Variants in KCNQ1 observed in about 807,000 individuals in gnomAD.
KCNQ1 encodes the protein potassium voltage-gated channel subfamily KQT member 1.
KCNQ1 carries 49 observed loss-of-function variants against 72.4 expected under a neutral mutation model. That is an observed-to-expected ratio of 0.68 (90% CI 0.54 to 0.86). The LOEUF (loss-of-function observed/expected upper bound fraction) is 0.86, where lower values mean the gene tolerates loss of function less well. Among genes scored for constraint, KCNQ1 ranks in the 40% least tolerant of loss-of-function variants. The pLI, the probability that KCNQ1 is intolerant of heterozygous loss-of-function variation, is 0.00. For synonymous variants in KCNQ1, 450 were observed against 412.6 expected (o/e 1.09, Z -1.10); for missense variants, 790 against 945.1 (o/e 0.84, Z 2.15).
Position 2,784,865 on chromosome 11 carries a change from TTA to T in KCNQ1, c.1794+6832_1794+6833del, listed in dbSNP as rs527489013. On this transcript the variant is annotated intron_variant, in intron 15 of 15. Coordinates refer to ENST00000155840, the MANE Select transcript of KCNQ1 (RefSeq NM_000218.3). This position sits in a 1 kb window ranked among gnomAD's most constrained non-coding sequence, Gnocchi z 4.7. ...AGTATATAGAAGTAACATTAAATTT[TTA>T]TATCAATCTTGTAAACTGACTTTTC... Among the ~76,000 whole-genome samples the T allele has an allele frequency of 2.3e-3, 346 of 152,188 alleles. 1 individual carries two copies. The highest frequency in any genetic ancestry group is 7.6e-3 in the African/African-American group (316 of 41,592).
intron 10 of KCNQ1, chr11:2,631,075 C>T (rs895956074): frequency 2.5e-6 from 1 of 398,392 alleles, no homozygotes; most frequent in African/African-American, 2.1e-5. Context: ...TAGATGGAAA[C>T]TAATTGTAAT....
chr11:2,660,377 G>A, intron 10 of KCNQ1: 1 of 398,400 alleles, frequency 2.5e-6, no homozygotes, highest in Non-Finnish European at 4.4e-6. Context: ...CGCTGATGTG[G>A]GAAAACCTTC....
chr11:2,768,190 C>T lies in KCNQ1; in HGVS notation c.1515-654C>T, dbSNP rs1351853267. ...GCCAGGAGGGAATCTCCTGTGGCCTCCATGGCGCTGTGTTTTCTTCCAGTC... is the reference window on the plus strand; with the variant it reads ...GCCAGGAGGGAATCTCCTGTGGCCTTCATGGCGCTGTGTTTTCTTCCAGTC... On this transcript the variant is annotated intron_variant, in intron 11 of 15. Coordinates refer to ENST00000155840, the MANE Select transcript of KCNQ1 (RefSeq NM_000218.3). The surrounding 1 kb of genome is among the most constrained non-coding windows in gnomAD (Gnocchi z 6.7). Among the ~76,000 whole-genome samples, 3 of 152,224 alleles carry T rather than the reference C, an allele frequency of 2.0e-5. No homozygotes were observed. Among genetic ancestry groups the T allele is most frequent in the Non-Finnish European group, 1.5e-5 (1 of 68,038 alleles).
chr11:2,611,033 T>G lies in KCNQ1; in HGVS notation c.1393+22179T>G. ...TCAGTTGTCTGTTTCTCTCTTCATTTCTGACAGTTTTATTTCATATACTTC... is the reference window on the plus strand; with the variant it reads ...TCAGTTGTCTGTTTCTCTCTTCATTGCTGACAGTTTTATTTCATATACTTC... On this transcript the variant is annotated intron_variant, in intron 10 of 15. Coordinates refer to ENST00000155840, the MANE Select transcript of KCNQ1 (RefSeq NM_000218.3). The surrounding 1 kb of genome is among the most constrained non-coding windows in gnomAD (Gnocchi z 5.3). 2.5e-6 allele frequency: 1 copy of G among 398,518 alleles called. No homozygotes were observed. 24.7% of individuals were successfully genotyped at this position (398,518 alleles called of 1,614,324 possible).
intron 10 of KCNQ1, chr11:2,630,384 T>C (rs10766242): frequency 0.89 from 354,159 of 398,088 alleles, 157,700 homozygotes; most frequent in East Asian, 0.91. Context: ...TTTCTTATAT[T>C]GTCCTTGTCT....
rs891516648 is a variant in KCNQ1 at position 2,495,604 on chromosome 11, C to T, written c.387-32324C>T. ...TTGATTTTGTTATTTACTCAGTAGTCATTCAGTAGCAGGTTGTTCAATTTC... is the reference window on the plus strand; with the variant it reads ...TTGATTTTGTTATTTACTCAGTAGTTATTCAGTAGCAGGTTGTTCAATTTC... On this transcript the variant is annotated intron_variant, in intron 1 of 15. Coordinates refer to ENST00000155840, the MANE Select transcript of KCNQ1 (RefSeq NM_000218.3). This position sits in a 1 kb window ranked among gnomAD's most constrained non-coding sequence, Gnocchi z 4.6. Among the ~76,000 whole-genome samples, 4 of 152,180 alleles carry T rather than the reference C, an allele frequency of 2.6e-5. No homozygotes were observed. The highest frequency in any genetic ancestry group is 2.0e-4 in the Admixed American group (3 of 15,280).
chr11:2,551,285 C>T (rs1056266977), intron 2 of KCNQ1, among the ~76,000 whole-genome samples: 7 of 152,208 alleles, frequency 4.6e-5, no homozygotes, highest in Admixed American at 2.0e-4. Context: ...CTCCCCGCAC[C>T]TGGGAACCGT....
chr11:2,662,798 G>C (rs1244467749), intron 11 of KCNQ1: 2 of 398,952 alleles, frequency 5.0e-6, no homozygotes, highest in Non-Finnish European at 8.8e-6. Flanking sequence ...TTTGTGTCAA[G>C]ATCTGTGAGT....
In KCNQ1 at chr11:2,593,925, C is replaced by T. The variant is rs996526119; in HGVS notation, c.1393+5071C>T. Among the ~76,000 whole-genome samples the T allele has an allele frequency of 1.3e-5, 2 of 152,204 alleles. No individual in the cohort carries two copies. The highest frequency in any genetic ancestry group is 4.8e-5 in the African/African-American group (2 of 41,458). On this transcript the variant is annotated intron_variant, in intron 10 of 15. Coordinates refer to ENST00000155840, the MANE Select transcript of KCNQ1 (RefSeq NM_000218.3). The surrounding 1 kb of genome is among the most constrained non-coding windows in gnomAD (Gnocchi z 6.9). ...AGTCACCCCAACTCCTCTGAAACCT[C>T]ACTGGGACCTCAAGGTGCTCCAGAT...
rs564367485 is a variant in KCNQ1 at position 2,830,490 on chromosome 11, C to T, written c.1795-17277C>T. On this transcript the variant is annotated intron_variant, in intron 15 of 15. Coordinates refer to ENST00000155840, the MANE Select transcript of KCNQ1 (RefSeq NM_000218.3). This position sits in a 1 kb window ranked among gnomAD's most constrained non-coding sequence, Gnocchi z 7.7. ...CACACCCAGTCTAGTCAGCATGTAT[C>T]CCCACACCCCAGTCCCAGTGTCCCA... Among the ~76,000 whole-genome samples the T allele has an allele frequency of 6.6e-6, 1 of 152,230 alleles. No individual in the cohort carries two copies. The highest frequency in any genetic ancestry group is 2.1e-4 in the South Asian group (1 of 4,828).
rs1847276125 is a variant in KCNQ1 at position 2,515,615 on chromosome 11, A to G, written c.387-12313A>G. Among the ~76,000 whole-genome samples, 1 of 152,150 alleles carries G rather than the reference A, an allele frequency of 6.6e-6. No individual in the cohort carries two copies. Among genetic ancestry groups the G allele is most frequent in the Non-Finnish European group, 1.5e-5 (1 of 68,022 alleles). ...GTGCACAGGTGCATCTGGTCTGCCC[A>G]GCCCCTCCTCACCCTAGGCAGGCCT... On this transcript the variant is annotated intron_variant, in intron 1 of 15. Transcript: ENST00000155840. This position sits in a 1 kb window ranked among gnomAD's most constrained non-coding sequence, Gnocchi z 4.7.
At position 2,768,246 on chromosome 11, in the gene KCNQ1, T is replaced by C. The variant is rs1034664275; in HGVS notation, c.1515-598T>C. Among the ~76,000 whole-genome samples the C allele has an allele frequency of 3.3e-5, 5 of 152,206 alleles. No individual in the cohort carries two copies. The highest frequency in any genetic ancestry group is 2.0e-4 in the Admixed American group (3 of 15,288). ...TCTATGCACAGACACATCATCCCCT[T>C]TGTTTCCTTTTGTGATGCTGTTTCT... On this transcript the variant is annotated intron_variant, in intron 11 of 15. Transcript: ENST00000155840. The surrounding 1 kb of genome is among the most constrained non-coding windows in gnomAD (Gnocchi z 6.7).
chr11:2,608,917 C>T lies in KCNQ1; in HGVS notation c.1393+20063C>T. 2.5e-6 allele frequency: 1 copy of T among 398,380 alleles called. No individual in the cohort carries two copies. Among genetic ancestry groups the T allele is most frequent in the Non-Finnish European group, 4.4e-6 (1 of 226,008 alleles). The allele number at this position is 398,380 out of a possible 1,614,324, so 24.7% of individuals were successfully genotyped here. A position where few individuals can be genotyped will look rare whatever the true frequency, so the allele number is the denominator to read the frequency against. On this transcript the variant is annotated intron_variant, in intron 10 of 15. Transcript: ENST00000155840. The surrounding 1 kb of genome is among the most constrained non-coding windows in gnomAD (Gnocchi z 4.6). ...CCTCCTCCCCCTCTTTCTTCCTCCC[C>T]TTCTTTTCTTCTCCCTCTCCCTCTC...
chr11:2,728,781 T>A (rs1319742397), intron 11 of KCNQ1, among the ~76,000 whole-genome samples: 5 of 152,192 alleles, frequency 3.3e-5, no homozygotes, highest in Non-Finnish European at 5.9e-5. Context: ...CAGAGCGTCC[T>A]CCTGGTCCTG....
intron 10 of KCNQ1, chr11:2,641,011 T>G: frequency 2.5e-6 from 1 of 398,546 alleles, no homozygotes; most frequent in Non-Finnish European, 4.4e-6. Flanking sequence ...TCTTCTTTGG[T>G]CAATTAGTAT....
rs1463496732 is a variant in KCNQ1 at position 2,473,623 on chromosome 11, C to A, written c.386+28139C>A. Among the ~76,000 whole-genome samples the A allele has an allele frequency of 6.6e-6, 1 of 152,132 alleles. No homozygotes were observed. Among genetic ancestry groups the A allele is most frequent in the Non-Finnish European group, 1.5e-5 (1 of 68,020 alleles). ...GCGAGGGTGTGCGGCCGGCATCATC[C>A]TCAGGGAACTCTGGAGGGACTGGGC... On this transcript the variant is annotated intron_variant, in intron 1 of 15. Transcript: ENST00000155840. The surrounding 1 kb of genome is among the most constrained non-coding windows in gnomAD (Gnocchi z 6.0).
intron 15 of KCNQ1, among the ~76,000 whole-genome samples, chr11:2,786,132 A>G (rs780089242): frequency 1.3e-5 from 2 of 152,140 alleles, no homozygotes; most frequent in East Asian, 1.9e-4. Context: ...AATTTTCTTC[A>G]GTGAAAAACT....
Position 2,515,555 on chromosome 11 carries a change from G to A in KCNQ1, c.387-12373G>A, listed in dbSNP as rs1015850617. On this transcript the variant is annotated intron_variant, in intron 1 of 15. Coordinates refer to ENST00000155840, the MANE Select transcript of KCNQ1 (RefSeq NM_000218.3). The surrounding 1 kb of genome is among the most constrained non-coding windows in gnomAD (Gnocchi z 4.7). ...GACAAGGCTGCTGGGACCAGGCCTC[G>A]CCCAGGCAGAGCCTCGCCATTTCTG... Among the ~76,000 whole-genome samples the A allele has an allele frequency of 5.9e-5, 9 of 152,034 alleles. No individual in the cohort carries two copies. The highest frequency in any genetic ancestry group is 3.9e-4 in the East Asian group (2 of 5,172).
At chr11:2,739,319 A>G (rs1389702172) in intron 11 of KCNQ1, among the ~76,000 whole-genome samples, 1 of 152,170 alleles carries the variant, frequency 6.6e-6, no homozygotes. Context: ...CACAGATGAC[A>G]GGTGGCAGGC....
Sources: allele counts gnomAD v4.1 joint callset (sites outside exome capture counted in the v4.1 genomes callset), GRCh38; gene constraint gnomAD v4.1.1; non-coding constraint Gnocchi (gnomAD v3.1); transcripts MANE v1.5; gene names NCBI Gene and HGNC (gene_info 2026-07-23, HGNC 2026-07-21).